Variants in SYNPR observed in about 807,000 individuals in gnomAD.
SYNPR encodes synaptoporin.
A neutral mutation model predicts 32.9 loss-of-function variants in SYNPR; 23 were observed. The ratio of observed to expected loss-of-function variants is 0.70; its 90% CI spans 0.50 to 0.99. SYNPR has a LOEUF of 0.99. Ranked by LOEUF, SYNPR falls within the 50% of genes least tolerant of loss-of-function variation. SYNPR has a pLI of 0.00. For synonymous variants in SYNPR, 146 were observed against 135.9 expected, an observed-to-expected ratio of 1.07 and a Z score of -0.52; for missense variants, 318 against 349.3, an observed-to-expected ratio of 0.91 and a Z score of 0.71.
intron 2 of SYNPR, among the ~76,000 whole-genome samples, chr3:63,258,990 C>T (rs1057012533): frequency 6.6e-6 from 1 of 152,132 alleles, no homozygotes; most frequent in African/African-American, 2.4e-5. Context: ...GGATAAATTC[C>T]TGGACACATA....
At chr3:63,511,301 AGAG>A (rs1341783957) in intron 3 of SYNPR, among the ~76,000 whole-genome samples, 3 of 152,108 alleles carry the variant, frequency 2.0e-5, no homozygotes, top group East Asian at 1.9e-4. Context: ...CTTGTAAGAA[AGAG>A]GAGGAGTTCA....
At chr3:63,498,989 T>C (rs75331628) in intron 3 of SYNPR, among the ~76,000 whole-genome samples, 2 of 148,240 alleles carry the variant, frequency 1.3e-5, no homozygotes, top group South Asian at 4.3e-4. Flanking sequence ...AAAAAAAAAC[T>C]ACACAAGTGC....
chr3:63,519,905 C>T (rs115568224), intron 3 of SYNPR, among the ~76,000 whole-genome samples: 30,666 of 151,964 alleles, frequency 0.2, 3,163 homozygotes, highest in Admixed American at 0.26. Context: ...TAATTCACAT[C>T]ACCCTGAGAT....
chr3:63,207,646 A>T, the SYNPR span, among the ~76,000 whole-genome samples: 2 of 152,224 alleles, frequency 1.3e-5, no homozygotes, highest in Admixed American at 1.3e-4. Flanking sequence ...TACAAGGAAC[A>T]GAACTCTTGA....
At chr3:63,235,617 T>C (rs1196643938) in intron 1 of SYNPR, among the ~76,000 whole-genome samples, 3 of 152,190 alleles carry the variant, frequency 2.0e-5, no homozygotes, top group Non-Finnish European at 2.9e-5. Flanking sequence ...GAACCACGCA[T>C]TGAGATGATT....
At chr3:63,612,708 G>T (rs1048101348) in intron 5 of SYNPR, among the ~76,000 whole-genome samples, 8 of 152,142 alleles carry the variant, frequency 5.3e-5, no homozygotes, top group Non-Finnish European at 7.4e-5. Flanking sequence ...GAAATGCCTT[G>T]TTTACGTTCT....
At position 63,477,012 on chromosome 3, in the gene SYNPR, T is replaced by C. The variant is rs575839644; in HGVS notation, c.85-3820T>C. 7.9e-5 allele frequency among the ~76,000 whole-genome samples: 12 copies of C among 152,202 alleles called. 1 individual carries two copies. In the South Asian group the frequency reaches 2.5e-3, roughly 32 times the overall value. ...GATTTGGTAGATGTGGGAACTGAGG[T>C]TTAGAGAAGTGAAGTGATTTGCCCG... On this transcript the variant is annotated intron_variant, in intron 2 of 5. Transcript: ENST00000478300.
intron 2 of SYNPR, among the ~76,000 whole-genome samples, chr3:63,426,033 C>G (rs1699887487): frequency 6.6e-6 from 1 of 152,060 alleles, no homozygotes; most frequent in Non-Finnish European, 1.5e-5. Context: ...GATCCACCCG[C>G]CTCGACCTCC....
intron 1 of SYNPR, among the ~76,000 whole-genome samples, chr3:63,235,083 C>CTG (rs1420858857): frequency 2.0e-5 from 3 of 152,172 alleles, no homozygotes; most frequent in Non-Finnish European, 4.4e-5. Context: ...TTGTACTCAT[C>CTG]TGTGTGTGTA....
At chr3:63,561,286 G>T (rs1702684846) in intron 4 of SYNPR, 1 of 152,154 alleles carries the variant, frequency 6.6e-6, no homozygotes, top group Admixed American at 6.5e-5. Context: ...TATGTGATGA[G>T]CTAATTTAAT....
intron 3 of SYNPR, among the ~76,000 whole-genome samples, chr3:63,505,850 A>T (rs1192985088): frequency 6.6e-6 from 1 of 152,062 alleles, no homozygotes; most frequent in East Asian, 1.9e-4. Context: ...TAACAGCTAG[A>T]TGAGTTCAAT....
At chr3:63,518,436 C>G (rs1285165071) in intron 3 of SYNPR, among the ~76,000 whole-genome samples, 3 of 152,028 alleles carry the variant, frequency 2.0e-5, no homozygotes, top group African/African-American at 7.2e-5. Flanking sequence ...CTGGAACAAG[C>G]AAGAAAGAGA....
At chr3:63,233,679 GAAT>G (rs747341893) in intron 1 of SYNPR, among the ~76,000 whole-genome samples, 11 of 151,690 alleles carry the variant, frequency 7.3e-5, no homozygotes, top group Non-Finnish European at 1.0e-4. Flanking sequence ...AAACTGAAAA[GAAT>G]AATACTACGT....
intron 2 of SYNPR, among the ~76,000 whole-genome samples, chr3:63,414,270 T>C (rs965128323): frequency 6.6e-6 from 1 of 152,102 alleles, no homozygotes; most frequent in African/African-American, 2.4e-5. Context: ...TGTGGGCTTT[T>C]TTCTTACAAA....
intron 2 of SYNPR, among the ~76,000 whole-genome samples, chr3:63,395,061 C>G (rs1017327080): frequency 6.6e-6 from 1 of 152,044 alleles, no homozygotes; most frequent in African/African-American, 2.4e-5. Context: ...GTTTAAAAGC[C>G]CTAAAACAGA....
intron 2 of SYNPR, among the ~76,000 whole-genome samples, chr3:63,437,035 C>T (rs1700097779): frequency 1.3e-5 from 2 of 152,088 alleles, no homozygotes; most frequent in South Asian, 4.1e-4. Flanking sequence ...TGCCACCACG[C>T]CCGGCTAATT....
chr3:63,349,388 C>A (rs1259865321), intron 2 of SYNPR, among the ~76,000 whole-genome samples: 1 of 152,230 alleles, frequency 6.6e-6, no homozygotes, highest in Non-Finnish European at 1.5e-5. Context: ...GCGCGAGCCA[C>A]CGCGCCTGGC....
At chr3:63,205,079 TTATA>T in the SYNPR span, among the ~76,000 whole-genome samples, 1 of 152,166 alleles carries the variant, frequency 6.6e-6, no homozygotes, top group Non-Finnish European at 1.5e-5. Context: ...TTTCCCTACT[TTATA>T]TATTTTGTAG....
At chr3:63,602,956 T>C (rs1700066582) in intron 4 of SYNPR, among the ~76,000 whole-genome samples, 1 of 152,250 alleles carries the variant, frequency 6.6e-6, no homozygotes, top group Admixed American at 6.5e-5. Flanking sequence ...TTTAACAATA[T>C]GGATTCTTCC....
Sources: allele counts gnomAD v4.1 joint callset (sites outside exome capture counted in the v4.1 genomes callset), GRCh38; gene constraint gnomAD v4.1.1; transcripts MANE v1.5; gene names NCBI Gene and HGNC (gene_info 2026-07-23, HGNC 2026-07-21).